The following PKHD1L1 variants were observed in gnomAD, a reference collection of about 807,000 sequenced individuals.
PKHD1L1 encodes fibrocystin-L.
PKHD1L1 carries 434 observed loss-of-function variants against 462.9 expected under a neutral mutation model. The observed-to-expected ratio is 0.94, with a 90% CI of 0.87 to 1.02. PKHD1L1 has a LOEUF of 1.02. Among genes scored for constraint, PKHD1L1 ranks in the 50% least tolerant of loss-of-function variants. The probability of loss-of-function intolerance (pLI) is 0.00; values close to 1 mark genes in which losing one functional copy is unlikely to be tolerated. For synonymous variants in PKHD1L1, 1,781 were observed against 1,750.0 expected, an observed-to-expected ratio of 1.02 and a Z score of -0.44; for missense variants, 5,202 against 5,096.1, an observed-to-expected ratio of 1.02 and a Z score of -0.63.
intron 32 of PKHD1L1, 142 bp downstream of exon 32, chr8:109,439,234 A>G (rs750618020): frequency 1.9e-5 from 14 of 728,514 alleles, no homozygotes; most frequent in Non-Finnish European, 3.1e-5. Flanking sequence ...AAAGATGCCG[A>G]GAATATCTCA....
rs60902563 is a variant in PKHD1L1 at position 109,364,646 on chromosome 8, CTTTTT to C, written c.163+24_163+28del. On this transcript the variant is annotated intron_variant, in intron 2 of 77. Transcript: ENST00000378402. ...ACTATAAGAGGGGAAGGTATCGTTG[CTTTTT>C]TTTTTTTTTTTTTGCCAAGGTTGAG... 3.3e-3 allele frequency: 3,411 copies of C among 1,020,282 alleles called. 1 individual carries two copies. Among genetic ancestry groups the C allele is most frequent in the South Asian group, 6.7e-3 (366 of 54,226 alleles). The allele number at this position is 1,020,282 out of a possible 1,614,324, so 63.2% of individuals were successfully genotyped here.
chr8:109,422,994 T>C lies in PKHD1L1; in HGVS notation c.2698-2091T>C, dbSNP rs75733328. ...GATGTTGAACATCTTTTTATGAACT[T>C]ATTTGCCACCTACATATCTTCTACT... On this transcript the variant is annotated intron_variant, in intron 23 of 77. Coordinates refer to ENST00000378402, the MANE Select transcript of PKHD1L1 (RefSeq NM_177531.6). Among the ~76,000 whole-genome samples the C allele has an allele frequency of 6.2e-3, 952 of 152,328 alleles. 9 individuals are homozygous for C. The highest frequency in any genetic ancestry group is 0.022 in the African/African-American group (900 of 41,566).
At chr8:109,511,718 G>A (rs2130991703) in intron 71 of PKHD1L1, among the ~76,000 whole-genome samples, 1 of 152,240 alleles carries the variant, frequency 6.6e-6, no homozygotes, top group Non-Finnish European at 1.5e-5. Flanking sequence ...CCAGTAATGG[G>A]ATGGCTGGGT....
At chr8:109,375,766 C>T (rs945078610) in intron 2 of PKHD1L1, among the ~76,000 whole-genome samples, 1 of 152,204 alleles carries the variant, frequency 6.6e-6, no homozygotes, top group Non-Finnish European at 1.5e-5. Context: ...TGGAGGTCCA[C>T]TCCAGACCCT....
rs369696441 is a variant in PKHD1L1, at chr8:109,438,394, G to C, written c.3698G>C (p.Ser1233Thr). 24 of 1,539,666 alleles carry C rather than the reference G, an allele frequency of 1.6e-5. No individual in the cohort carries two copies. In the African/African-American group the frequency reaches 3.2e-4, roughly 20 times the overall value. ...GFQATARDAF[S>T]YNCLQTPIIT... is the part of the protein sequence containing the mutation. ...CAAGCCACAGCAAGGGATGCTTTTA[G>C]TTATAATTGTTTACAGACACCAATT... is the stretch of plus-strand genomic sequence containing the variant. Residue 1233 changes from serine to threonine, a missense_variant, in exon 31 of 78, where the codon AGT becomes ACT. Ser to Thr is a moderately conservative substitution (Grantham distance 58, BLOSUM62 1). Coordinates refer to ENST00000378402, the MANE Select transcript of PKHD1L1 (RefSeq NM_177531.6).
In PKHD1L1 at chr8:109,436,598, C is replaced by T; in HGVS notation, c.3627+139C>T. 2.2e-6 allele frequency: 3 copies of T among 1,338,986 alleles called. No individual in the cohort carries two copies. In the African/African-American group the frequency reaches 4.5e-5, roughly 20 times the overall value. The allele number at this position is 1,338,986 out of a possible 1,614,324, so 82.9% of individuals were successfully genotyped here. A position where few individuals can be genotyped will look rare whatever the true frequency, so the allele number is the denominator to read the frequency against. Reference sequence around the variant, plus strand: ...AGGGTTTCTATTATGCTCCTTAAAACTTATTTCTTCCATATCTTTCCACTA... The same window carrying T: ...AGGGTTTCTATTATGCTCCTTAAAATTTATTTCTTCCATATCTTTCCACTA... On this transcript the variant is annotated intron_variant, in intron 30 of 77. Transcript: ENST00000378402.
rs568497631 is a variant in PKHD1L1, at chr8:109,392,030, T to A, written c.740+1536T>A. The stretch of plus-strand genomic sequence containing the variant: ...ACCTTTGTGATTTACATGGGACACA[T>A]GACTTAGGGTCCCATAACTTAACAG... On this transcript the variant is annotated intron_variant, in intron 9 of 77. Coordinates refer to ENST00000378402, the MANE Select transcript of PKHD1L1 (RefSeq NM_177531.6). Among the ~76,000 whole-genome samples the A allele has an allele frequency of 1.9e-4, 29 of 152,324 alleles. 1 individual carries two copies. The East Asian group carries it at 5.6e-3, about 29-fold the overall frequency.
intron 20 of PKHD1L1, 126 bp from the exon 21 acceptor site, chr8:109,413,295 G>A (rs1354201800): frequency 3.2e-6 from 2 of 630,044 alleles, no homozygotes; most frequent in African/African-American, 1.9e-5. Flanking sequence ...TTATTTCTCT[G>A]TGTTCTGGTA....
chr8:109,389,095 G>T lies in PKHD1L1; in HGVS notation c.640G>T (p.Asp214Tyr). 1 of 1,608,408 alleles carries T rather than the reference G, an allele frequency of 6.2e-7. No individual in the cohort carries two copies. ...TTTAATTAGATATGGTCTAAAACTGGATCATCCAAATGGAGATATGGGTTC... is the reference window on the plus strand; with the variant it reads ...TTTAATTAGATATGGTCTAAAACTGTATCATCCAAATGGAGATATGGGTTC... ...QSDNLYGLKL[D>Y]HPNGDMGSMV... Residue 214 changes from aspartate to tyrosine, a missense_variant, in exon 8 of 78, where the codon GAT becomes TAT. Asp to Tyr is a radical substitution (Grantham distance 160). Around this residue, in one of 3 missense-constraint regions of PKHD1L1, gnomAD observed 4,497 missense variants for 4,336.8 expected, o/e 1.04. Coordinates refer to ENST00000378402, the MANE Select transcript of PKHD1L1 (RefSeq NM_177531.6).
At chr8:109,476,214 C>CAT (rs139151304) in intron 51 of PKHD1L1, among the ~76,000 whole-genome samples, 4,814 of 150,236 alleles carry the variant, frequency 0.032, 217 homozygotes, top group African/African-American at 0.11. Context: ...TGTGTGTATG[C>CAT]ATATATATAT....
intron 76 of PKHD1L1, 45 bp from the exon 77 acceptor site, chr8:109,526,739 T>C: frequency 6.8e-7 from 1 of 1,462,356 alleles, no homozygotes; most frequent in South Asian, 1.3e-5. Flanking sequence ...TGAAAACAAG[T>C]AAAACATAAA....
intron 6 of PKHD1L1, among the ~76,000 whole-genome samples, chr8:109,386,416 A>AATTC (rs1252060356): frequency 2.0e-5 from 3 of 152,188 alleles, no homozygotes; most frequent in Non-Finnish European, 4.4e-5. Context: ...TAAGTTAAAC[A>AATTC]ATTCAGATAG....
intron 67 of PKHD1L1, among the ~76,000 whole-genome samples, chr8:109,501,468 C>T (rs1369644618): frequency 1.3e-5 from 2 of 152,326 alleles, no homozygotes; most frequent in East Asian, 3.9e-4. Context: ...GTCAGTACTA[C>T]TCAGCATGAA....
chr8:109,366,365 CAT>C (rs1408073520), intron 2 of PKHD1L1, among the ~76,000 whole-genome samples: 2 of 152,186 alleles, frequency 1.3e-5, no homozygotes, highest in Admixed American at 1.3e-4. Context: ...AACGTGTTCT[CAT>C]ATGTCTTTCT....
At chr8:109,403,056 GT>G (rs1440154748) in intron 14 of PKHD1L1, among the ~76,000 whole-genome samples, 1 of 152,138 alleles carries the variant, frequency 6.6e-6, no homozygotes, top group African/African-American at 2.4e-5. Flanking sequence ...CTTTGGCTTG[GT>G]TTTGGAAAAT....
At position 109,476,670 on chromosome 8, in the gene PKHD1L1, A is replaced by G; in HGVS notation, c.8917+3A>G. ...CACTAGTACTCTATATTACTTGGGT[A>G]TGTGTCATTAGGCAGAAATGATAGT... On this transcript the variant is annotated splice_donor_region_variant and intron_variant, in intron 52 of 77. Coordinates refer to ENST00000378402, the MANE Select transcript of PKHD1L1 (RefSeq NM_177531.6). The G allele has an allele frequency of 6.3e-7, 1 of 1,582,870 alleles. No homozygotes were observed. Among genetic ancestry groups the G allele is most frequent in the African/African-American group, 1.3e-5 (1 of 74,080 alleles).
intron 18 of PKHD1L1, among the ~76,000 whole-genome samples, chr8:109,408,978 A>G (rs968685669): frequency 2.0e-5 from 3 of 152,208 alleles, no homozygotes; most frequent in African/African-American, 7.2e-5. Flanking sequence ...GTATCTCCAT[A>G]GGGGGCAGCC....
chr8:109,492,555 A>T (rs1167778798), intron 62 of PKHD1L1, among the ~76,000 whole-genome samples: 1 of 151,908 alleles, frequency 6.6e-6, no homozygotes, highest in Admixed American at 6.6e-5. Context: ...GAAAGATGGG[A>T]TAAGGATTGA....
chr8:109,406,598 A>G (rs1306567250), intron 17 of PKHD1L1, 120 bp downstream of exon 17: 1 of 1,188,012 alleles, frequency 8.4e-7, no homozygotes, highest in African/African-American at 1.6e-5. Context: ...AGCAGAAATT[A>G]AATGGTTTTT....
Sources: gnomAD v4.1 joint callset for allele counts (sites outside exome capture counted in the v4.1 genomes callset) on GRCh38, gnomAD v4.1.1 for gene constraint, gnomAD v4.1.1 regional missense constraint, MANE v1.5 for transcripts, NCBI Gene and HGNC (gene_info 2026-07-23, HGNC 2026-07-21) for gene names.